ELAVL4: variants seen among roughly 807,000 people sequenced by gnomAD.
ELAVL4 encodes ELAV-like protein 4.
A neutral mutation model predicts 35.6 loss-of-function variants in ELAVL4; 1 was observed. The ratio of observed to expected loss-of-function variants is 0.03; its 90% confidence interval spans 0.01 to 0.13. The LOEUF is 0.13. Ranked by LOEUF, ELAVL4 falls within the 10% of genes least tolerant of loss-of-function variation. The probability of loss-of-function intolerance (pLI) is 1.00; values close to 1 mark genes in which losing one functional copy is unlikely to be tolerated. For synonymous variants in ELAVL4, 156 were observed against 171.0 expected (o/e 0.91, Z 0.69); for missense variants, 267 against 464.9 (o/e 0.57, Z 3.91).
chr1:50,068,499 C>A (rs1664369796), intron 1 of ELAVL4, among the ~76,000 whole-genome samples: 1 of 152,088 alleles, frequency 6.6e-6, no homozygotes, highest in African/African-American at 2.4e-5. Context: ...GTTGTTAAAG[C>A]CTGGTCAACT....
intron 1 of ELAVL4, among the ~76,000 whole-genome samples, chr1:50,121,393 C>T (rs931857187): frequency 6.6e-6 from 1 of 151,628 alleles, no homozygotes; most frequent in Non-Finnish European, 1.5e-5. Flanking sequence ...GGGTCTCGAC[C>T]GGCATTAAAA....
intron 1 of ELAVL4, among the ~76,000 whole-genome samples, chr1:50,055,280 T>TTTTG (rs1663595821): frequency 6.6e-6 from 1 of 150,622 alleles, no homozygotes. Context: ...TTTTGTTTTT[T>TTTTG]TTTTGTTTTG....
intron 1 of ELAVL4, among the ~76,000 whole-genome samples, chr1:50,055,012 C>T (rs944045465): frequency 6.6e-6 from 1 of 152,216 alleles, no homozygotes; most frequent in Non-Finnish European, 1.5e-5. Flanking sequence ...ACAGCTTTCT[C>T]TCTCTCTATG....
intron 1 of ELAVL4, among the ~76,000 whole-genome samples, chr1:50,088,856 C>G (rs1665365934): frequency 6.6e-6 from 1 of 152,176 alleles, no homozygotes; most frequent in South Asian, 2.1e-4. Context: ...AAATACTAGA[C>G]AGCAGAATAA....
chr1:50,158,762 C>T (rs1198422433), intron 2 of ELAVL4, among the ~76,000 whole-genome samples: 3 of 152,164 alleles, frequency 2.0e-5, no homozygotes, highest in African/African-American at 7.2e-5. Flanking sequence ...CCATGGCAGC[C>T]AGGCCTGGTG....
intron 1 of ELAVL4, chr1:50,109,598 G>C (rs1666715259): frequency 2.4e-6 from 1 of 409,198 alleles, no homozygotes; most frequent in Admixed American, 3.9e-5. Context: ...GCGGGGTTAG[G>C]AATCTCTCAA....
Position 50,068,608 on chromosome 1 carries a change from T to C in ELAVL4, c.18+20426T>C, listed in dbSNP as rs558538436. On this transcript the variant is annotated intron_variant, in intron 1 of 6. Transcript: ENST00000448907. ...TGGCATGTAGTAGATGATCAAGGGT[T>C]GATTTTTGAACTGCATTTCTGACCG... 7.9e-5 allele frequency among the ~76,000 whole-genome samples: 12 copies of C among 152,336 alleles called. No homozygotes were observed. In the South Asian group the frequency reaches 2.1e-3, roughly 26 times the overall value.
At chr1:50,106,680 G>A (rs1666342740), upstream of ELAVL4, among the ~76,000 whole-genome samples, 1 of 152,124 alleles carries the variant, frequency 6.6e-6, no homozygotes, top group African/African-American at 2.4e-5. Flanking sequence ...CCCAACAATA[G>A]GATTCTGCCT....
chr1:50,199,754 C>T (rs960365516), intron 6 of ELAVL4, among the ~76,000 whole-genome samples: 1 of 151,758 alleles, frequency 6.6e-6, no homozygotes, highest in African/African-American at 2.4e-5. Context: ...GAAAAAAGTC[C>T]CTATGTAAGT....
chr1:50,110,067 C>G (rs965801135), intron 1 of ELAVL4: 1 of 1,410,994 alleles, frequency 7.1e-7, no homozygotes, highest in Admixed American at 1.9e-5. Context: ...GACTGTGCAT[C>G]GTAAATCACT....
At chr1:50,152,367 C>T (rs1224176628) in intron 2 of ELAVL4, among the ~76,000 whole-genome samples, 2 of 152,052 alleles carry the variant, frequency 1.3e-5, no homozygotes, top group East Asian at 1.9e-4. Flanking sequence ...CTGTTTGGTT[C>T]GTAAGACCAA....
intron 1 of ELAVL4, among the ~76,000 whole-genome samples, chr1:50,074,136 G>A (rs926809744): frequency 5.9e-5 from 9 of 152,208 alleles, no homozygotes; most frequent in Non-Finnish European, 1.0e-4. Context: ...TGGCTGGGCT[G>A]TGCTTCTCTA....
chr1:50,128,688 G>A (rs1670361560), intron 1 of ELAVL4, among the ~76,000 whole-genome samples: 2 of 152,074 alleles, frequency 1.3e-5, no homozygotes, highest in South Asian at 4.1e-4. Context: ...AGAGAGAGGA[G>A]GGCTTTCCAG....
chr1:50,109,209 C>A lies in ELAVL4; in HGVS notation c.9+11C>A, dbSNP rs761359475. The stretch of plus-strand genomic sequence containing the variant: ...ATAAGAATGGTTATGGTAGGTATGA[C>A]TAGATTTATAATCTGTTGTTTGTGT... On this transcript the variant is annotated intron_variant, in intron 1 of 6. Transcript: ENST00000371824. The A allele has an allele frequency of 6.2e-7, 1 of 1,612,320 alleles. No individual in the cohort carries two copies. Among genetic ancestry groups the A allele is most frequent in the South Asian group, 1.1e-5 (1 of 90,836 alleles).
chr1:50,086,494 A>AT (rs987266949), intron 1 of ELAVL4, among the ~76,000 whole-genome samples: 2 of 150,680 alleles, frequency 1.3e-5, no homozygotes, highest in African/African-American at 4.9e-5. Context: ...ATATATATAT[A>AT]TATATACTCT....
chr1:50,108,628 C>T, upstream of ELAVL4, among the ~76,000 whole-genome samples: 1 of 151,986 alleles, frequency 6.6e-6, no homozygotes, highest in Non-Finnish European at 1.5e-5. Context: ...TGCAAGCCTC[C>T]AGTGACCTGC....
intron 1 of ELAVL4, among the ~76,000 whole-genome samples, chr1:50,051,303 T>C (rs1663367083): frequency 6.6e-6 from 1 of 152,194 alleles, no homozygotes; most frequent in Admixed American, 6.5e-5. Context: ...ACATGTTTAG[T>C]TCCTTAGTTT....
intron 1 of ELAVL4, among the ~76,000 whole-genome samples, chr1:50,057,465 T>A (rs1431450040): frequency 6.6e-6 from 1 of 152,226 alleles, no homozygotes; most frequent in African/African-American, 2.4e-5. Flanking sequence ...TCGTATTCAC[T>A]CAGCACTCAT....
chr1:50,192,519 G>GCACACACACA (rs5774068), intron 3 of ELAVL4, among the ~76,000 whole-genome samples: 4,088 of 140,374 alleles, frequency 0.029, 77 homozygotes, highest in South Asian at 0.039. Context: ...TTGTGTGCAC[G>GCACACACACA]CACACACACA....
Sources: gnomAD v4.1 joint callset for allele counts (sites outside exome capture counted in the v4.1 genomes callset) on GRCh38, gnomAD v4.1.1 for gene constraint, MANE v1.5 for transcripts, NCBI Gene and HGNC (gene_info 2026-07-23, HGNC 2026-07-21) for gene names.